LGSN: variants seen among roughly 807,000 people sequenced by gnomAD.
LGSN encodes the protein lengsin, lens protein with glutamine synthetase domain.
A neutral mutation model predicts 19.5 loss-of-function variants in LGSN; 21 were observed. The observed-to-expected ratio is 1.07, with a 90% CI of 0.76 to 1.55. LGSN has a LOEUF of 1.55. LGSN is among the 40% of genes most tolerant of loss of function. The pLI is 0.00. For missense variants in LGSN, 673 were observed against 608.5 expected (o/e 1.11, Z -1.12); for synonymous variants, 257 against 215.6 (o/e 1.19, Z -1.68).
the LGSN span, among the ~76,000 whole-genome samples, chr6:63,476,838 C>T: frequency 3.9e-5 from 6 of 152,328 alleles, no homozygotes; most frequent in East Asian, 1.9e-4. Flanking sequence ...TAGATCCAAT[C>T]GTCTAGGAAA....
chr6:63,348,505 T>A, the LGSN span, among the ~76,000 whole-genome samples: 2 of 151,998 alleles, frequency 1.3e-5, no homozygotes, highest in Admixed American at 6.6e-5. Flanking sequence ...ACAATGCAGG[T>A]CTACGAGCTC....
the LGSN span, among the ~76,000 whole-genome samples, chr6:63,466,284 G>T: frequency 1.3e-5 from 2 of 152,174 alleles, no homozygotes; most frequent in South Asian, 4.1e-4. Context: ...TGTAGAGACA[G>T]GGTCTCACTT....
the LGSN span, among the ~76,000 whole-genome samples, chr6:63,379,444 A>G: frequency 1.3e-5 from 2 of 152,208 alleles, no homozygotes; most frequent in African/African-American, 4.8e-5. Flanking sequence ...GCTGGTCACT[A>G]CTTCCTCAGG....
the LGSN span, among the ~76,000 whole-genome samples, chr6:63,345,561 A>G: frequency 6.6e-6 from 1 of 152,188 alleles, no homozygotes; most frequent in Non-Finnish European, 1.5e-5. Flanking sequence ...TTACTCCACC[A>G]ATCACAACCA....
chr6:63,331,769 G>A, the LGSN span, among the ~76,000 whole-genome samples: 1 of 152,174 alleles, frequency 6.6e-6, no homozygotes, highest in Non-Finnish European at 1.5e-5. Context: ...GTCAGATTTA[G>A]TGGCCCTTAC....
chr6:63,295,092 C>T, intron 1 of LGSN, 47 bp from the exon 2 acceptor site: 1 of 1,551,320 alleles, frequency 6.4e-7, no homozygotes, highest in Non-Finnish European at 8.9e-7. Context: ...ATTATTCAAA[C>T]AATGATATTT....
the LGSN span, among the ~76,000 whole-genome samples, chr6:63,467,038 C>T: frequency 6.6e-6 from 1 of 152,096 alleles, no homozygotes; most frequent in Non-Finnish European, 1.5e-5. Context: ...AGTAAGTTGA[C>T]ATAGAAAAAA....
the LGSN span, chr6:63,571,030 T>C: frequency 6.6e-6 from 1 of 152,228 alleles, no homozygotes. Context: ...CATTTATTTG[T>C]AAAGGGACAT....
the LGSN span, among the ~76,000 whole-genome samples, chr6:63,509,605 G>A: frequency 7.9e-5 from 12 of 152,190 alleles, no homozygotes; most frequent in South Asian, 2.5e-3. Context: ...ATAATAATGT[G>A]TAAGATGAAA....
the LGSN span, among the ~76,000 whole-genome samples, chr6:63,513,932 A>AAAAAAAAAAAAAC: frequency 8.7e-6 from 1 of 114,492 alleles, no homozygotes; most frequent in Non-Finnish European, 1.8e-5. Context: ...AAAAAAAAAA[A>AAAAAAAAAAAAAC]AAAACACTGG....
chr6:63,405,493 C>G, the LGSN span, among the ~76,000 whole-genome samples: 3 of 152,138 alleles, frequency 2.0e-5, no homozygotes, highest in East Asian at 1.9e-4. Context: ...TTAATGATTG[C>G]CATTCTAACT....
the LGSN span, among the ~76,000 whole-genome samples, chr6:63,456,240 T>G: frequency 6.7e-6 from 1 of 149,812 alleles, no homozygotes; most frequent in Non-Finnish European, 1.5e-5. Context: ...AAAAAAAAAG[T>G]AAAAGTTAAA....
the LGSN span, among the ~76,000 whole-genome samples, chr6:63,356,004 T>C: frequency 2.6e-5 from 4 of 152,112 alleles, no homozygotes; most frequent in African/African-American, 9.7e-5. Context: ...CATGGTGTTA[T>C]TCCTGTATCT....
At chr6:63,345,645 C>G in the LGSN span, among the ~76,000 whole-genome samples, 16 of 152,132 alleles carry the variant, frequency 1.1e-4, no homozygotes, top group African/African-American at 3.9e-4. Context: ...GCAGGAAAGC[C>G]CTGTTAGGTG....
At chr6:63,419,606 C>T in the LGSN span, among the ~76,000 whole-genome samples, 3 of 152,048 alleles carry the variant, frequency 2.0e-5, no homozygotes, top group East Asian at 1.9e-4. Context: ...GATACTTTTT[C>T]GGCCTGGCAG....
chr6:63,338,404 T>G, the LGSN span, among the ~76,000 whole-genome samples: 1 of 152,186 alleles, frequency 6.6e-6, no homozygotes, highest in East Asian at 1.9e-4. Context: ...CAGGGATTTT[T>G]TATTTCTTCC....
the LGSN span, among the ~76,000 whole-genome samples, chr6:63,543,022 A>G: frequency 3.9e-5 from 6 of 152,300 alleles, no homozygotes; most frequent in Admixed American, 3.9e-4. Context: ...TCCACTACCC[A>G]TCACAACATT....
At chr6:63,480,940 G>T in the LGSN span, among the ~76,000 whole-genome samples, 12 of 59,866 alleles carry the variant, frequency 2.0e-4, no homozygotes, top group African/African-American at 4.0e-4. Flanking sequence ...TAAAGAAAAT[G>T]ATATATATAT....
chr6:63,476,413 A>C, the LGSN span, among the ~76,000 whole-genome samples: 1 of 152,196 alleles, frequency 6.6e-6, no homozygotes, highest in Non-Finnish European at 1.5e-5. Flanking sequence ...TTACAATGTG[A>C]GGTGTTAGTA....
Sources: allele counts gnomAD v4.1 joint callset (sites outside exome capture counted in the v4.1 genomes callset), GRCh38; gene constraint gnomAD v4.1.1; transcripts MANE v1.5; gene names NCBI Gene and HGNC (gene_info 2026-07-23, HGNC 2026-07-21).